The following NRG1 variants were observed in gnomAD, a reference collection of about 807,000 sequenced individuals.
The protein encoded by NRG1 is pro-neuregulin-1, membrane-bound isoform.
Under a neutral mutation model 63.8 loss-of-function variants are expected in NRG1, and 18 were observed. The ratio of observed to expected loss-of-function variants is 0.28; its 90% CI spans 0.19 to 0.42. The LOEUF is 0.42. Among genes scored for constraint, NRG1 ranks in the 10% least tolerant of loss-of-function variants. The pLI, the probability that NRG1 is intolerant of heterozygous loss-of-function variation, is 1.00. For missense variants in NRG1, 762 were observed against 814.7 expected, an observed-to-expected ratio of 0.94 and a Z score of 0.79; for synonymous variants, 302 against 301.3, an observed-to-expected ratio of 1.00 and a Z score of -0.02.
At chr8:32,273,520 A>G (rs1003578441) in intron 1 of NRG1, among the ~76,000 whole-genome samples, 4 of 152,234 alleles carry the variant, frequency 2.6e-5, no homozygotes, top group African/African-American at 9.6e-5. Context: ...ACCTAAAATA[A>G]GAAGTGTTGC....
At chr8:32,210,921 A>G (rs1844642282) in intron 1 of NRG1, among the ~76,000 whole-genome samples, 1 of 152,250 alleles carries the variant, frequency 6.6e-6, no homozygotes, top group Non-Finnish European at 1.5e-5. Flanking sequence ...CAGAAAAATC[A>G]TACATGCTAA....
intron 1 of NRG1, among the ~76,000 whole-genome samples, chr8:32,066,978 G>C (rs1011901465): frequency 1.3e-5 from 2 of 152,048 alleles, no homozygotes; most frequent in Non-Finnish European, 2.9e-5. Flanking sequence ...CTCATGATTT[G>C]GCTCTCTGTT....
intron 1 of NRG1, among the ~76,000 whole-genome samples, chr8:31,778,009 G>A (rs996107686): frequency 6.6e-6 from 1 of 152,114 alleles, no homozygotes; most frequent in Non-Finnish European, 1.5e-5. Context: ...CCCATAAATG[G>A]TTAAACTCCG....
At chr8:32,142,462 G>T (rs1836391432) in intron 1 of NRG1, among the ~76,000 whole-genome samples, 1 of 152,114 alleles carries the variant, frequency 6.6e-6, no homozygotes, top group Non-Finnish European at 1.5e-5. Flanking sequence ...CTTCTTTCAT[G>T]TGTAATCAAA....
At chr8:32,612,714 T>C (rs1367321645) in intron 3 of NRG1, among the ~76,000 whole-genome samples, 2 of 152,052 alleles carry the variant, frequency 1.3e-5, no homozygotes, top group African/African-American at 4.8e-5. Flanking sequence ...GGACAGCTAC[T>C]TTGTTTGTCA....
chr8:32,373,384 C>G (rs920534045), intron 1 of NRG1, among the ~76,000 whole-genome samples: 19 of 152,162 alleles, frequency 1.2e-4, no homozygotes, highest in African/African-American at 4.6e-4. Flanking sequence ...GCACATCCAT[C>G]TTTCAAATGT....
intron 2 of NRG1, 111 bp downstream of exon 2, chr8:32,596,116 A>G (rs1843315721): frequency 2.4e-6 from 2 of 841,784 alleles, no homozygotes; most frequent in African/African-American, 3.4e-5. Context: ...ATAGATAATA[A>G]GTGAAAAGCT....
chr8:32,317,999 G>GA lies in NRG1; in HGVS notation c.38-277821dup, dbSNP rs141049089. Among the ~76,000 whole-genome samples, 861 of 151,794 alleles carry GA rather than the reference G, an allele frequency of 5.7e-3. 28 individuals carry two copies. Among genetic ancestry groups the GA allele is most frequent in the Admixed American group, 0.044 (678 of 15,266 alleles). ...TTCCCAAAATAACTAAGAAAAGGGA[G>GA]AAAAAAAATGAGTACAGAGGCCATG... is the stretch of plus-strand genomic sequence containing the variant. On this transcript the variant is annotated intron_variant, in intron 1 of 10. Transcript: ENST00000519301.
intron 1 of NRG1, among the ~76,000 whole-genome samples, chr8:31,761,309 A>G (rs1317017062): frequency 6.6e-6 from 1 of 151,758 alleles, no homozygotes; most frequent in Admixed American, 6.6e-5. Flanking sequence ...TTGTGGGGTG[A>G]GGGGAGTGGG....
At chr8:32,170,823 A>G (rs1209648997) in intron 1 of NRG1, among the ~76,000 whole-genome samples, 3 of 152,204 alleles carry the variant, frequency 2.0e-5, no homozygotes, top group Non-Finnish European at 4.4e-5. Flanking sequence ...TTGGTTTTAT[A>G]GGTTGGGGCA....
intron 1 of NRG1, among the ~76,000 whole-genome samples, chr8:32,263,154 A>G (rs1237842123): frequency 6.6e-6 from 1 of 152,218 alleles, no homozygotes; most frequent in Non-Finnish European, 1.5e-5. Context: ...TGAATGACAG[A>G]CACTGTGCTC....
intron 1 of NRG1, among the ~76,000 whole-genome samples, chr8:32,478,782 A>G (rs985354567): frequency 1.3e-5 from 2 of 152,200 alleles, no homozygotes; most frequent in Admixed American, 1.3e-4. Context: ...ATGTTTCATG[A>G]GTTCAGGTTA....
intron 1 of NRG1, among the ~76,000 whole-genome samples, chr8:32,267,154 A>AGAAG (rs1269986303): frequency 1.3e-5 from 2 of 150,102 alleles, no homozygotes; most frequent in African/African-American, 2.5e-5. Context: ...GGAAGGAGAA[A>AGAAG]GAAGGAAGGA....
intron 1 of NRG1, among the ~76,000 whole-genome samples, chr8:32,561,207 T>G (rs1414704162): frequency 6.6e-6 from 1 of 152,212 alleles, no homozygotes. Context: ...GCACTATATA[T>G]GAATTCAGCT....
intron 1 of NRG1, among the ~76,000 whole-genome samples, chr8:32,355,705 G>T (rs1336034602): frequency 6.6e-6 from 1 of 151,494 alleles, no homozygotes; most frequent in Non-Finnish European, 1.5e-5. Context: ...CTTTGCAAAA[G>T]AGTAAAAAAG....
At chr8:31,832,464 G>C (rs1406788127) in intron 1 of NRG1, among the ~76,000 whole-genome samples, 1 of 152,044 alleles carries the variant, frequency 6.6e-6, no homozygotes, top group African/African-American at 2.4e-5. Context: ...TCGCCATGTT[G>C]TCCAGGCTGG....
rs114150411 is a variant in NRG1, at chr8:31,654,105, A to G, written c.37+14674A>G. ...TAATCACTTTTATTAACTCTCAAGT[A>G]GTTTTATTTCCAGTAACTTGCAAAA... On this transcript the variant is annotated intron_variant, in intron 1 of 10. Coordinates refer to the NRG1 transcript ENST00000519301. Among the ~76,000 whole-genome samples the G allele has an allele frequency of 6.7e-3, 1,026 of 152,338 alleles. 10 individuals are homozygous for G. The highest frequency in any genetic ancestry group is 0.024 in the African/African-American group (978 of 41,574).
chr8:32,484,889 A>G (rs1188022455), intron 1 of NRG1, among the ~76,000 whole-genome samples: 1 of 152,196 alleles, frequency 6.6e-6, no homozygotes, highest in Non-Finnish European at 1.5e-5. Flanking sequence ...ATATCTTCAT[A>G]CCATCATCTA....
intron 1 of NRG1, among the ~76,000 whole-genome samples, chr8:32,061,003 C>A (rs539476097): frequency 6.6e-6 from 1 of 151,990 alleles, no homozygotes; most frequent in East Asian, 1.9e-4. Context: ...AAATAGCACA[C>A]CCTTTCTTGG....
Sources: allele counts gnomAD v4.1 joint callset (sites outside exome capture counted in the v4.1 genomes callset), GRCh38; gene constraint gnomAD v4.1.1; transcripts MANE v1.5; gene names NCBI Gene and HGNC (gene_info 2026-07-23, HGNC 2026-07-21).